HNF4G: variants seen among roughly 807,000 people sequenced by gnomAD.
HNF4G encodes hepatocyte nuclear factor 4 gamma.
In HNF4G, 21 loss-of-function variants were observed where a neutral mutation model predicts 50.9. That is an observed-to-expected ratio of 0.41 (90% CI 0.29 to 0.59). The LOEUF (loss-of-function observed/expected upper bound fraction) is 0.59, where lower values mean the gene tolerates loss of function less well. Ranked by LOEUF, HNF4G falls within the 20% of genes least tolerant of loss-of-function variation. The probability of loss-of-function intolerance (pLI) is 0.26; values close to 1 mark genes in which losing one functional copy is unlikely to be tolerated. For synonymous variants in HNF4G, 198 were observed against 185.6 expected, an observed-to-expected ratio of 1.07 and a Z score of -0.54; for missense variants, 527 against 559.4, an observed-to-expected ratio of 0.94 and a Z score of 0.58.
At chr8:75,416,608 C>T (rs1810642217) in intron 1 of HNF4G, among the ~76,000 whole-genome samples, 1 of 152,030 alleles carries the variant, frequency 6.6e-6, no homozygotes. Flanking sequence ...TTAATATGCT[C>T]ATACACATTA....
chr8:75,456,998 G>C (rs1437995915), intron 1 of HNF4G, among the ~76,000 whole-genome samples: 1 of 152,176 alleles, frequency 6.6e-6, no homozygotes, highest in Non-Finnish European at 1.5e-5. Context: ...TTCTGCCTCA[G>C]CTTCCCAAAG....
intron 1 of HNF4G, among the ~76,000 whole-genome samples, chr8:75,411,798 G>T (rs1175692728): frequency 6.6e-6 from 1 of 152,098 alleles, no homozygotes; most frequent in Non-Finnish European, 1.5e-5. Context: ...GGAAGGGAGG[G>T]GTGCTTGGGC....
At chr8:75,441,246 C>CTTTTTT (rs112258720) in intron 1 of HNF4G, among the ~76,000 whole-genome samples, 1 of 142,290 alleles carries the variant, frequency 7.0e-6, no homozygotes, top group Non-Finnish European at 1.5e-5. Context: ...AAGATTAGAA[C>CTTTTTT]TTTTTTTTTT....
chr8:75,497,577 G>A (rs1222455800), intron 2 of HNF4G, among the ~76,000 whole-genome samples: 1 of 151,710 alleles, frequency 6.6e-6, no homozygotes, highest in Non-Finnish European at 1.5e-5. Context: ...CCAGCTACTC[G>A]GGAGGCTGAG....
chr8:75,551,273 C>G (rs1044299986), intron 3 of HNF4G, 115 bp from the exon 4 acceptor site: 7 of 599,776 alleles, frequency 1.2e-5, no homozygotes, highest in Non-Finnish European at 2.1e-5. Flanking sequence ...CTTCCAAGGT[C>G]TTTTAGAAAG....
chr8:75,480,158 C>T (rs886833569), intron 1 of HNF4G, among the ~76,000 whole-genome samples: 1 of 152,132 alleles, frequency 6.6e-6, no homozygotes, highest in South Asian at 2.1e-4. Context: ...TTAAAAAGTT[C>T]CTCAAGAATT....
At chr8:75,477,838 A>C (rs1212070231) in intron 1 of HNF4G, among the ~76,000 whole-genome samples, 1 of 152,100 alleles carries the variant, frequency 6.6e-6, no homozygotes, top group Non-Finnish European at 1.5e-5. Context: ...GTGGTGGCAC[A>C]TGCCTGTAAT....
intron 2 of HNF4G, among the ~76,000 whole-genome samples, chr8:75,494,666 A>C (rs980778484): frequency 6.6e-6 from 1 of 152,126 alleles, no homozygotes; most frequent in Non-Finnish European, 1.5e-5. Context: ...TGCCTTGAAC[A>C]TAATAAGTGG....
At chr8:75,556,648 C>A (rs1268772519) in intron 6 of HNF4G, among the ~76,000 whole-genome samples, 1 of 152,106 alleles carries the variant, frequency 6.6e-6, no homozygotes, top group Non-Finnish European at 1.5e-5. Context: ...TCATTAATTG[C>A]TCCAATCCCG....
intron 1 of HNF4G, among the ~76,000 whole-genome samples, chr8:75,439,979 G>A (rs183503175): frequency 8.2e-4 from 124 of 151,406 alleles, no homozygotes; most frequent in Admixed American, 2.2e-3. Context: ...ATACAGTATT[G>A]AAGGTGAAAG....
At chr8:75,439,188 T>C (rs1194486959) in intron 1 of HNF4G, among the ~76,000 whole-genome samples, 1 of 151,994 alleles carries the variant, frequency 6.6e-6, no homozygotes, top group Non-Finnish European at 1.5e-5. Flanking sequence ...ATCCAAAGAG[T>C]AAATGAAAAT....
intron 2 of HNF4G, among the ~76,000 whole-genome samples, chr8:75,502,201 AT>A (rs1319280674): frequency 6.6e-6 from 1 of 152,196 alleles, no homozygotes; most frequent in African/African-American, 2.4e-5. Flanking sequence ...TATGGTCAGC[AT>A]TTATACAATA....
At chr8:75,540,883 T>G (rs1806601902) in intron 1 of HNF4G, among the ~76,000 whole-genome samples, 1 of 85,272 alleles carries the variant, frequency 1.2e-5, no homozygotes, top group Non-Finnish European at 2.3e-5. Context: ...GTGTGTGTGT[T>G]TAATGCAAGA....
intron 1 of HNF4G, among the ~76,000 whole-genome samples, chr8:75,469,038 G>A (rs1314942065): frequency 6.6e-6 from 1 of 152,144 alleles, no homozygotes; most frequent in African/African-American, 2.4e-5. Context: ...TACTTAAAAG[G>A]CTGTAATAAT....
At chr8:75,419,158 C>G (rs970091910) in intron 1 of HNF4G, among the ~76,000 whole-genome samples, 1 of 152,186 alleles carries the variant, frequency 6.6e-6, no homozygotes, top group African/African-American at 2.4e-5. Flanking sequence ...GTTCTGTGGA[C>G]ATGCATGTTT....
chr8:75,566,312 C>G lies in HNF4G; in HGVS notation c.*2216C>G, dbSNP rs1807460912. ...CCTCCAAAGGCCCCACCTCCTAATA[C>G]CATCACTCTGGGGACTAGGTGTCAG... On this transcript the variant is annotated 3_prime_UTR_variant, in exon 10 of 10. Transcript: ENST00000396423. 6.6e-6 allele frequency: 1 copy of G among 152,142 alleles called. No homozygotes were observed. Among genetic ancestry groups the G allele is most frequent in the African/African-American group, 2.4e-5 (1 of 41,424 alleles). The allele number at this position is 152,142 out of a possible 1,614,324, so 9.4% of individuals were successfully genotyped here. A position where few individuals can be genotyped will look rare whatever the true frequency, so the allele number is the denominator to read the frequency against.
chr8:75,474,283 A>G (rs936993450), intron 1 of HNF4G, among the ~76,000 whole-genome samples: 5 of 152,226 alleles, frequency 3.3e-5, no homozygotes, highest in African/African-American at 9.6e-5. Flanking sequence ...GCATTAGCCT[A>G]CTACTTTTGT....
In HNF4G at chr8:75,565,353, A is replaced by G. The variant is rs928492349; in HGVS notation, c.*1257A>G. On this transcript the variant is annotated 3_prime_UTR_variant, in exon 10 of 10. Transcript: ENST00000396423. The stretch of plus-strand genomic sequence containing the variant: ...AATAAGAAACCACTTTTGTAGTTTT[A>G]ACCAGACTTTCTCTTAAAAACATTA... 1.3e-5 allele frequency: 2 copies of G among 152,200 alleles called. No homozygotes were observed. Among genetic ancestry groups the G allele is most frequent in the African/African-American group, 4.8e-5 (2 of 41,462 alleles). 9.4% of individuals were successfully genotyped at this position (152,200 alleles called of 1,614,324 possible). A position where few individuals can be genotyped will look rare whatever the true frequency, so the allele number is the denominator to read the frequency against.
intron 1 of HNF4G, among the ~76,000 whole-genome samples, chr8:75,466,574 T>C (rs780217941): frequency 5.0e-5 from 3 of 59,738 alleles, no homozygotes; most frequent in Non-Finnish European, 9.7e-5. Flanking sequence ...TTCTCGCTCC[T>C]TCCTTCCTTC....
Sources: gnomAD v4.1 joint callset for allele counts (sites outside exome capture counted in the v4.1 genomes callset) on GRCh38, gnomAD v4.1.1 for gene constraint, MANE v1.5 for transcripts, NCBI Gene and HGNC (gene_info 2026-07-23, HGNC 2026-07-21) for gene names.